The following DIP2C variants were observed in gnomAD, a reference collection of about 807,000 sequenced individuals.
DIP2C encodes DIP2 acetate--CoA ligase C (putative), also known as disco-interacting protein 2 homolog C.
In DIP2C, 33 loss-of-function variants were observed where a neutral mutation model predicts 192.4. The ratio of observed to expected loss-of-function variants is 0.17; its 90% CI spans 0.13 to 0.23. The LOEUF is 0.23. DIP2C is among the 10% of genes least tolerant of loss of function. The probability of loss-of-function intolerance (pLI) is 1.00; values close to 1 mark genes in which losing one functional copy is unlikely to be tolerated. For synonymous variants in DIP2C, 979 were observed against 864.1 expected (o/e 1.13, Z -2.33); for missense variants, 1,537 against 2,110.1 (o/e 0.73, Z 5.32).
intron 17 of DIP2C, chr10:370,074 G>C (rs1309793698): frequency 1.0e-6 from 1 of 982,146 alleles, no homozygotes; most frequent in Non-Finnish European, 1.2e-6. Flanking sequence ...CCACTGAACA[G>C]CAATGATGGA....
At chr10:543,234 C>A in intron 1 of DIP2C, among the ~76,000 whole-genome samples, 1 of 152,232 alleles carries the variant, frequency 6.6e-6, no homozygotes, top group Admixed American at 6.5e-5. Flanking sequence ...ACCATGCTTC[C>A]CACTCGCCTG....
intron 3 of DIP2C, among the ~76,000 whole-genome samples, chr10:467,528 T>TA (rs1206466475): frequency 4.3e-4 from 7 of 16,260 alleles, no homozygotes; most frequent in African/African-American, 6.3e-4. Context: ...ACTTAAAGTA[T>TA]AAAAAAAAAA....
chr10:562,902 C>T (rs1251810342), intron 1 of DIP2C, among the ~76,000 whole-genome samples: 1 of 152,194 alleles, frequency 6.6e-6, no homozygotes, highest in Non-Finnish European at 1.5e-5. Flanking sequence ...TACACACAAG[C>T]CTGGCTGCTT....
chr10:603,514 G>C (rs376287911), intron 1 of DIP2C, among the ~76,000 whole-genome samples: 47 of 152,108 alleles, frequency 3.1e-4, no homozygotes, highest in African/African-American at 1.1e-3. Flanking sequence ...AGTATATCAG[G>C]TATACCTGGA....
chr10:572,539 A>G (rs1362192679), intron 1 of DIP2C, among the ~76,000 whole-genome samples: 2 of 152,208 alleles, frequency 1.3e-5, no homozygotes, highest in East Asian at 3.8e-4. Flanking sequence ...GGTTGTAATG[A>G]GAAAAATAGT....
At chr10:463,660 C>T (rs1333367160) in intron 3 of DIP2C, among the ~76,000 whole-genome samples, 1 of 152,086 alleles carries the variant, frequency 6.6e-6, no homozygotes, top group Non-Finnish European at 1.5e-5. Flanking sequence ...TCATATGGAA[C>T]CAAAAAACAG....
chr10:367,385 C>G (rs556074543), intron 18 of DIP2C, among the ~76,000 whole-genome samples: 4 of 151,552 alleles, frequency 2.6e-5, no homozygotes, highest in South Asian at 2.1e-4. Context: ...CCACTGCACT[C>G]CAGCCTGGGC....
At chr10:542,500 T>C (rs200969640) in intron 1 of DIP2C, among the ~76,000 whole-genome samples, 47 of 152,180 alleles carry the variant, frequency 3.1e-4, no homozygotes, top group African/African-American at 9.9e-4. Context: ...GCCCCAGCAT[T>C]CCCCAGCCAC....
intron 3 of DIP2C, among the ~76,000 whole-genome samples, chr10:468,983 G>A (rs1970424495): frequency 1.3e-5 from 2 of 152,190 alleles, no homozygotes; most frequent in South Asian, 2.1e-4. Flanking sequence ...AAGGAGCTGT[G>A]GAATTGGAGA....
At chr10:624,157 C>T (rs1156859540) in intron 1 of DIP2C, among the ~76,000 whole-genome samples, 1 of 152,232 alleles carries the variant, frequency 6.6e-6, no homozygotes, top group African/African-American at 2.4e-5. Context: ...GGCGAGGCCC[C>T]CAGCACATGG....
At chr10:462,723 A>G (rs1018265455) in intron 3 of DIP2C, among the ~76,000 whole-genome samples, 3 of 152,226 alleles carry the variant, frequency 2.0e-5, no homozygotes, top group African/African-American at 7.2e-5. Flanking sequence ...CACAACAAAA[A>G]AAGAAAATGT....
chr10:499,148 G>C (rs1845054479), intron 1 of DIP2C, among the ~76,000 whole-genome samples: 1 of 152,200 alleles, frequency 6.6e-6, no homozygotes, highest in Non-Finnish European at 1.5e-5. Flanking sequence ...TGGTCACACA[G>C]CTGAGGTTCA....
At chr10:465,251 G>A (rs1378493783) in intron 3 of DIP2C, among the ~76,000 whole-genome samples, 6 of 146,060 alleles carry the variant, frequency 4.1e-5, no homozygotes, top group African/African-American at 1.5e-4. Flanking sequence ...ATCAATAAAT[G>A]TAATCCAGCA....
intron 1 of DIP2C, among the ~76,000 whole-genome samples, chr10:678,032 C>T (rs1564334599): frequency 6.6e-6 from 1 of 152,242 alleles, no homozygotes; most frequent in South Asian, 2.1e-4. Context: ...AGCCCAGCCT[C>T]CTGCACACAC....
At chr10:351,870 C>G (rs1186384954) in intron 24 of DIP2C, among the ~76,000 whole-genome samples, 1 of 152,194 alleles carries the variant, frequency 6.6e-6, no homozygotes, top group Non-Finnish European at 1.5e-5. Context: ...ACAGAGACAC[C>G]CAGCACGGCC....
intron 2 of DIP2C, among the ~76,000 whole-genome samples, chr10:485,936 G>GCTGCCAAT (rs1843984733): frequency 6.6e-6 from 1 of 152,234 alleles, no homozygotes; most frequent in African/African-American, 2.4e-5. Context: ...GTGCAGGAAA[G>GCTGCCAAT]CTGCCAATCT....
chr10:680,311 T>G (rs1194599112), intron 1 of DIP2C, among the ~76,000 whole-genome samples: 1 of 152,176 alleles, frequency 6.6e-6, no homozygotes, highest in African/African-American at 2.4e-5. Flanking sequence ...ACGCACGGCC[T>G]GACATGAGCC....
At chr10:525,885 T>A (rs561939870) in intron 1 of DIP2C, among the ~76,000 whole-genome samples, 66 of 152,238 alleles carry the variant, frequency 4.3e-4, no homozygotes, top group African/African-American at 1.5e-3. Context: ...CCTCTCAGGT[T>A]TTGTCCCAGC....
chr10:508,847 CA>C (rs1027328603), intron 1 of DIP2C, among the ~76,000 whole-genome samples: 72 of 152,206 alleles, frequency 4.7e-4, no homozygotes, highest in Admixed American at 1.8e-3. Context: ...CTGCATGACC[CA>C]AAAAAGGCAT....
Sources: allele counts gnomAD v4.1 joint callset (sites outside exome capture counted in the v4.1 genomes callset), GRCh38; gene constraint gnomAD v4.1.1; transcripts MANE v1.5; gene names NCBI Gene and HGNC (gene_info 2026-07-23, HGNC 2026-07-21).